Variants in CAPN7 observed in about 807,000 individuals in gnomAD.
CAPN7 encodes calpain-7.
In CAPN7, 72 loss-of-function variants were observed where a neutral mutation model predicts 115.2. That is an observed-to-expected ratio of 0.63 (90% CI 0.52 to 0.76). CAPN7 has a LOEUF of 0.76. CAPN7 is among the 30% of genes least tolerant of loss of function. CAPN7 has a pLI of 0.00. For missense variants in CAPN7, 905 were observed against 971.5 expected (o/e 0.93, Z 0.91); for synonymous variants, 344 against 322.3 (o/e 1.07, Z -0.72).
intron 19 of CAPN7, among the ~76,000 whole-genome samples, chr3:15,247,702 G>T (rs1365812521): frequency 1.3e-5 from 2 of 152,068 alleles, no homozygotes; most frequent in Non-Finnish European, 2.9e-5. Context: ...AAACCTAAAT[G>T]TGAAAGGCAA....
chr3:15,245,789 T>A (rs1695624802), intron 17 of CAPN7, 118 bp downstream of exon 17: 1 of 701,836 alleles, frequency 1.4e-6, no homozygotes, highest in Non-Finnish European at 2.2e-6. Context: ...ATTGCTCTCT[T>A]TTTTTGTGCT....
chr3:15,212,776 G>C (rs1222034778), intron 2 of CAPN7, among the ~76,000 whole-genome samples: 1 of 152,138 alleles, frequency 6.6e-6, no homozygotes, highest in Admixed American at 6.5e-5. Flanking sequence ...TCACAGTTTT[G>C]TTAGAGGTAA....
intron 8 of CAPN7, among the ~76,000 whole-genome samples, chr3:15,229,666 C>G (rs1354591420): frequency 6.9e-6 from 1 of 145,178 alleles, no homozygotes; most frequent in Non-Finnish European, 1.5e-5. Flanking sequence ...ACCTCTGCCT[C>G]CTGGGTTCAA....
chr3:15,231,896 C>G (rs1460409007), intron 9 of CAPN7, among the ~76,000 whole-genome samples: 2 of 152,126 alleles, frequency 1.3e-5, no homozygotes, highest in Non-Finnish European at 2.9e-5. Flanking sequence ...TATGTATTTT[C>G]TAGCCATAAT....
In CAPN7 at chr3:15,241,478, G is replaced by A; in HGVS notation, c.1678G>A (p.Val560Met). The change falls in exon 15 of 21, where the codon GTG becomes ATG. Residue 560 changes from valine (V) to methionine (M), a missense_variant. By Grantham distance (21) the Val-to-Met change is conservative. Coordinates refer to ENST00000253693, the MANE Select transcript of CAPN7 (RefSeq NM_014296.3). ...TACTTGGGATGCTAAGCAAGGACCT[G>A]TGAAAGATGCCTATAGCCTGGCCAA... is the stretch of plus-strand genomic sequence containing the variant. ...HSTWDAKQGP[V>M]KDAYSLANNP... 1 of 1,614,064 alleles carries A rather than the reference G, an allele frequency of 6.2e-7. No individual in the cohort carries two copies. The highest frequency in any genetic ancestry group is 2.2e-5 in the East Asian group (1 of 44,878).
intron 12 of CAPN7, among the ~76,000 whole-genome samples, chr3:15,240,172 A>T (rs866682728): frequency 7.2e-5 from 11 of 152,238 alleles, no homozygotes; most frequent in African/African-American, 2.7e-4. Flanking sequence ...GCTACTAGCT[A>T]CCTGTGGTCA....
rs115464997 is a variant in CAPN7, at chr3:15,218,402, T to G, written c.370-71T>G. On this transcript the variant is annotated intron_variant, in intron 3 of 20. Coordinates refer to ENST00000253693, the MANE Select transcript of CAPN7 (RefSeq NM_014296.3). Reference sequence around the variant, plus strand: ...GTAATATGCATTGTAAATTTTTTGCTTAGAAATATGGATCAAGCAAATTGA... The same window carrying G: ...GTAATATGCATTGTAAATTTTTTGCGTAGAAATATGGATCAAGCAAATTGA... 1,142 of 1,179,230 alleles carry G rather than the reference T, an allele frequency of 9.7e-4. 14 individuals are homozygous for G. In the African/African-American group the frequency reaches 0.015, roughly 15 times the overall value. 73.0% of individuals were successfully genotyped at this position (1,179,230 alleles called of 1,614,324 possible).
intron 1 of CAPN7, among the ~76,000 whole-genome samples, chr3:15,207,075 C>T (rs1201129735): frequency 6.6e-6 from 1 of 152,164 alleles, no homozygotes; most frequent in African/African-American, 2.4e-5. Flanking sequence ...GAAATGTGTT[C>T]TTAGGCCATT....
chr3:15,207,655 A>G (rs543502919), intron 1 of CAPN7, among the ~76,000 whole-genome samples: 408 of 108,612 alleles, frequency 3.8e-3, no homozygotes, highest in Non-Finnish European at 4.9e-3. Flanking sequence ...TTTTTTTTTT[A>G]TTCTTTAGTT....
At chr3:15,221,923 C>T (rs923567817) in intron 5 of CAPN7, among the ~76,000 whole-genome samples, 1 of 151,714 alleles carries the variant, frequency 6.6e-6, no homozygotes, top group African/African-American at 2.4e-5. Context: ...CACTGCTCTC[C>T]AGCTTGGGCA....
At chr3:15,217,178 G>T (rs1465125850) in intron 2 of CAPN7, among the ~76,000 whole-genome samples, 1 of 151,782 alleles carries the variant, frequency 6.6e-6, no homozygotes. Flanking sequence ...GCCCGAGGAG[G>T]TAGAGGCTGC....
intron 7 of CAPN7, among the ~76,000 whole-genome samples, chr3:15,228,386 C>T (rs1476344803): frequency 1.3e-5 from 2 of 152,032 alleles, no homozygotes; most frequent in African/African-American, 4.8e-5. Context: ...TTGTTACTTT[C>T]CTATTCAAAT....
chr3:15,230,955 T>C (rs1028894270), intron 9 of CAPN7, among the ~76,000 whole-genome samples: 1 of 152,196 alleles, frequency 6.6e-6, no homozygotes, highest in African/African-American at 2.4e-5. Flanking sequence ...TATGCATAAT[T>C]TTAATTCACA....
At chr3:15,226,717 A>G (rs1251105771) in intron 6 of CAPN7, among the ~76,000 whole-genome samples, 2 of 152,154 alleles carry the variant, frequency 1.3e-5, no homozygotes, top group Non-Finnish European at 2.9e-5. Flanking sequence ...ATTCTATTTT[A>G]AGAGATTGCA....
chr3:15,251,120 G>A lies in CAPN7; in HGVS notation c.2302G>A (p.Gly768Arg), dbSNP rs775267622. 7 of 1,604,936 alleles carry A rather than the reference G, an allele frequency of 4.4e-6. No homozygotes were observed. In the South Asian group the frequency reaches 6.7e-5, roughly 15 times the overall value. The part of the protein sequence containing the change: ...LRKSSGDYRC[G>R]FCYLELENIP... ...TCTCATTTTCTCTAAATATAGGTGT[G>A]GGTTTTGCTACCTGGAATTAGAAAA... The change falls in exon 21 of 21, where the codon GGG becomes AGG. Residue 768 changes from glycine to arginine, a missense_variant. Transcript: ENST00000253693.
rs1444383215 is a variant in CAPN7, at chr3:15,251,966, A to T, written c.*706A>T. The T allele has an allele frequency of 6.6e-6, 1 of 152,334 alleles. No individual in the cohort carries two copies. The highest frequency in any genetic ancestry group is 1.5e-5 in the Non-Finnish European group (1 of 68,016). 9.4% of individuals were successfully genotyped at this position (152,334 alleles called of 1,614,324 possible). On this transcript the variant is annotated 3_prime_UTR_variant, in exon 21 of 21. Transcript: ENST00000253693. ...ACTGCAGTTTTTATTTTTAAAAAAC[A>T]GTAATTGAGATATTGAAGACATTAC...
intron 2 of CAPN7, among the ~76,000 whole-genome samples, chr3:15,215,550 C>T (rs1230824824): frequency 6.6e-6 from 1 of 152,208 alleles, no homozygotes; most frequent in Non-Finnish European, 1.5e-5. Context: ...ATGGATTTGC[C>T]TATTGTGGAT....
intron 19 of CAPN7, among the ~76,000 whole-genome samples, chr3:15,247,681 A>G (rs1000937745): frequency 1.3e-5 from 2 of 152,192 alleles, no homozygotes; most frequent in Non-Finnish European, 2.9e-5. Flanking sequence ...ATCAAATTCC[A>G]GGTGGATTAC....
At chr3:15,222,751 C>A (rs1052244938) in intron 5 of CAPN7, among the ~76,000 whole-genome samples, 3 of 152,174 alleles carry the variant, frequency 2.0e-5, no homozygotes, top group Non-Finnish European at 4.4e-5. Flanking sequence ...ATCCTTCATG[C>A]GAGTGAAAAG....
Sources: allele counts gnomAD v4.1 joint callset (sites outside exome capture counted in the v4.1 genomes callset), GRCh38; gene constraint gnomAD v4.1.1; transcripts MANE v1.5; gene names NCBI Gene and HGNC (gene_info 2026-07-23, HGNC 2026-07-21).